TBC1D5: variants seen among roughly 807,000 people sequenced by gnomAD.
TBC1D5 encodes the protein TBC1 domain family, member 5.
In TBC1D5, 75 loss-of-function variants were observed where a neutral mutation model predicts 100.3. That is an observed-to-expected ratio of 0.75 (90% confidence interval 0.62 to 0.91). The LOEUF is 0.91. TBC1D5 is among the 40% of genes least tolerant of loss of function. The pLI, the probability that TBC1D5 is intolerant of heterozygous loss-of-function variation, is 0.00. For synonymous variants in TBC1D5, 323 were observed against 325.6 expected (o/e 0.99, Z 0.09); for missense variants, 910 against 942.4 (o/e 0.97, Z 0.45).
rs73145804 is a variant in TBC1D5, at chr3:17,318,756, A to G, written c.996-10622T>C. 5.4e-3 allele frequency among the ~76,000 whole-genome samples: 816 copies of G among 152,328 alleles called. 11 individuals are homozygous for G. Among genetic ancestry groups the G allele is most frequent in the African/African-American group, 0.019 (784 of 41,570 alleles). ...TGTATTTTTAAAATCGCCTCTCCAC[A>G]TTAACATGGAGAATCACAGGATTCG... is the stretch of plus-strand genomic sequence containing the variant. On this transcript the variant is annotated intron_variant, in intron 13 of 21. Coordinates refer to ENST00000253692, the Ensembl canonical transcript of TBC1D5.
rs748537033 is a variant in TBC1D5, at chr3:17,233,748, C to T, written c.1588+4415G>A. The T allele has an allele frequency of 1.5e-5, 23 of 1,537,544 alleles. No homozygotes were observed. Among genetic ancestry groups the T allele is most frequent in the African/African-American group, 9.7e-5 (7 of 72,476 alleles). On this transcript the variant is annotated intron_variant, in intron 17 of 21. Coordinates refer to ENST00000253692, the Ensembl canonical transcript of TBC1D5. ...TGAGCATCGCTTCCTGTAACTACAT[C>T]GCCTGGATTTCATAAGAAAAAATAA...
rs114309360 is a variant in TBC1D5 at position 17,475,126 on chromosome 3, C to A, written c.97+33348G>T. The stretch of plus-strand genomic sequence containing the variant: ...TTTTGGATATTAAAGATATCAAACT[C>A]TCATTTACTAATCTCTACATGTTAA... On this transcript the variant is annotated intron_variant, in intron 3 of 21. Transcript: ENST00000253692. Among the ~76,000 whole-genome samples, 531 of 152,074 alleles carry A rather than the reference C, an allele frequency of 3.5e-3. 1 individual carries two copies. Among genetic ancestry groups the A allele is most frequent in the Non-Finnish European group, 6.7e-3 (453 of 67,944 alleles).
chr3:17,394,774 C>T (rs1459190088), intron 8 of TBC1D5, among the ~76,000 whole-genome samples: 1 of 151,934 alleles, frequency 6.6e-6, no homozygotes, highest in Non-Finnish European at 1.5e-5. Flanking sequence ...AACAACCAAA[C>T]CTTTGAGGAA....
intron 2 of TBC1D5, among the ~76,000 whole-genome samples, chr3:17,586,029 A>C (rs1472323482): frequency 6.6e-6 from 1 of 152,186 alleles, no homozygotes; most frequent in Non-Finnish European, 1.5e-5. Flanking sequence ...CCTAAGGAAA[A>C]TGCTAAAGTC....
chr3:17,289,111 G>A (rs1246324692), intron 15 of TBC1D5, among the ~76,000 whole-genome samples: 2 of 152,212 alleles, frequency 1.3e-5, no homozygotes, highest in African/African-American at 4.8e-5. Flanking sequence ...TCTACCATGG[G>A]AGTGGCTTGC....
chr3:17,698,285 A>T (rs1448250483), intron 1 of TBC1D5, among the ~76,000 whole-genome samples: 2 of 152,256 alleles, frequency 1.3e-5, no homozygotes, highest in African/African-American at 4.8e-5. Context: ...AAAAACAAGC[A>T]TTGGGGAAAG....
intron 2 of TBC1D5, among the ~76,000 whole-genome samples, chr3:17,610,884 C>T (rs1560276101): frequency 2.0e-5 from 3 of 151,974 alleles, no homozygotes; most frequent in South Asian, 4.1e-4. Context: ...GGGCAAGCTG[C>T]GTGTAATCCC....
chr3:17,472,008 C>G (rs1023489760), intron 3 of TBC1D5, among the ~76,000 whole-genome samples: 6 of 151,782 alleles, frequency 4.0e-5, no homozygotes, highest in African/African-American at 1.5e-4. Context: ...ACTAAGTAAA[C>G]TATAACAGTT....
At chr3:17,616,966 G>A (rs1469991405) in intron 2 of TBC1D5, among the ~76,000 whole-genome samples, 3 of 152,328 alleles carry the variant, frequency 2.0e-5, no homozygotes, top group Non-Finnish European at 4.4e-5. Flanking sequence ...GTTAATTGAT[G>A]CAGTTTCTTC....
intron 1 of TBC1D5, among the ~76,000 whole-genome samples, chr3:17,649,843 C>T (rs576822831): frequency 1.3e-5 from 2 of 152,128 alleles, no homozygotes; most frequent in Non-Finnish European, 1.5e-5. Context: ...CACATGCACA[C>T]GTATGTTTAC....
chr3:17,647,274 G>A (rs546814437), intron 1 of TBC1D5, among the ~76,000 whole-genome samples: 1 of 152,160 alleles, frequency 6.6e-6, no homozygotes, highest in Non-Finnish European at 1.5e-5. Context: ...ACAAAGCAAA[G>A]TTCCTACCCT....
chr3:17,383,430 C>T (rs1012614055), intron 9 of TBC1D5, among the ~76,000 whole-genome samples: 10 of 151,654 alleles, frequency 6.6e-5, no homozygotes, highest in Non-Finnish European at 1.2e-4. Flanking sequence ...AGTAATGAGA[C>T]GAGTCAAATA....
chr3:17,542,402 G>C (rs2153425054), intron 2 of TBC1D5, among the ~76,000 whole-genome samples: 1 of 152,200 alleles, frequency 6.6e-6, no homozygotes, highest in East Asian at 1.9e-4. Flanking sequence ...ATGTTTTATA[G>C]AGCCAGGGTC....
chr3:17,435,967 G>A (rs1170299647), intron 3 of TBC1D5, among the ~76,000 whole-genome samples: 1 of 152,254 alleles, frequency 6.6e-6, no homozygotes, highest in Non-Finnish European at 1.5e-5. Context: ...CACAGAGCCA[G>A]TCTGCAAAGA....
chr3:17,488,383 G>A (rs980238762), intron 3 of TBC1D5, among the ~76,000 whole-genome samples: 1 of 152,144 alleles, frequency 6.6e-6, no homozygotes, highest in African/African-American at 2.4e-5. Flanking sequence ...ATCTGTTGAA[G>A]GATATCTTGG....
chr3:17,665,618 C>T (rs770173372), intron 1 of TBC1D5, among the ~76,000 whole-genome samples: 7 of 152,076 alleles, frequency 4.6e-5, no homozygotes, highest in Non-Finnish European at 8.8e-5. Flanking sequence ...AGCTGTGCAC[C>T]GGGTTAACTG....
rs2093736463 is a variant in TBC1D5 at position 17,405,047 on chromosome 3, A to C, written c.277-86T>G. The C allele has an allele frequency of 5.7e-6, 4 of 700,260 alleles. No homozygotes were observed. The Admixed American group carries it at 1.1e-4, about 20-fold the overall frequency. 43.4% of individuals were successfully genotyped at this position (700,260 alleles called of 1,614,324 possible). On this transcript the variant is annotated intron_variant, in intron 5 of 21. Coordinates refer to ENST00000253692, the Ensembl canonical transcript of TBC1D5. Reference sequence around the variant, plus strand: ...GCCAAACTGAACCACCTGAACATTGAAAGACATAATAGTCATGATATTTCA... The same window carrying C: ...GCCAAACTGAACCACCTGAACATTGCAAGACATAATAGTCATGATATTTCA...
chr3:17,257,679 C>T (rs1347282849), intron 16 of TBC1D5, among the ~76,000 whole-genome samples: 2 of 152,140 alleles, frequency 1.3e-5, no homozygotes, highest in Non-Finnish European at 2.9e-5. Flanking sequence ...CTATGAGTTC[C>T]TATGCAGCAG....
At chr3:17,537,888 A>T (rs1358777976) in intron 2 of TBC1D5, among the ~76,000 whole-genome samples, 2 of 152,230 alleles carry the variant, frequency 1.3e-5, no homozygotes, top group Non-Finnish European at 2.9e-5. Flanking sequence ...TATTTTGCCA[A>T]GGCTAAGGAC....
Sources: allele counts gnomAD v4.1 joint callset (sites outside exome capture counted in the v4.1 genomes callset), GRCh38; gene constraint gnomAD v4.1.1; transcripts MANE v1.5; gene names NCBI Gene and HGNC (gene_info 2026-07-23, HGNC 2026-07-21).